DCP1B: variants seen among roughly 807,000 people sequenced by gnomAD.
DCP1B encodes the protein mRNA-decapping enzyme 1B.
In DCP1B, 47 loss-of-function variants were observed where a neutral mutation model predicts 60.5. That is an observed-to-expected ratio of 0.78 (90% CI 0.61 to 0.99). The LOEUF (loss-of-function observed/expected upper bound fraction) is 0.99. DCP1B is among the 50% of genes least tolerant of loss of function. The pLI is 0.00. For synonymous variants in DCP1B, 267 were observed against 280.3 expected, an observed-to-expected ratio of 0.95 and a Z score of 0.47; for missense variants, 725 against 756.8, an observed-to-expected ratio of 0.96 and a Z score of 0.49.
intron 3 of DCP1B, among the ~76,000 whole-genome samples, chr12:1,976,743 A>C (rs1451682935): frequency 1.3e-5 from 2 of 150,384 alleles, no homozygotes; most frequent in Non-Finnish European, 1.5e-5. Flanking sequence ...GCAAAATGTC[A>C]TGTATATATG....
intron 2 of DCP1B, among the ~76,000 whole-genome samples, chr12:1,994,353 T>A (rs559956769): frequency 6.6e-6 from 1 of 152,332 alleles, no homozygotes; most frequent in Non-Finnish European, 1.5e-5. Context: ...TGTTTATGTC[T>A]TAGTTTTATT....
At chr12:1,996,633 A>C (rs754489010) in intron 2 of DCP1B, among the ~76,000 whole-genome samples, 3,744 of 115,834 alleles carry the variant, frequency 0.032, 217 homozygotes, top group Middle Eastern at 0.062. Flanking sequence ...AAAAAAAAAA[A>C]AAAAAAAAAA....
At position 1,952,822 on chromosome 12, in the gene DCP1B, G is replaced by C. The variant is rs753576836; in HGVS notation, c.1118C>G (p.Thr373Arg). The change falls in exon 7 of 9, where the codon ACA (threonine) becomes AGA (arginine). Residue 373 changes from threonine to arginine, a missense_variant. By Grantham distance (71) the Thr-to-Arg change is moderately conservative. Transcript: ENST00000280665. ...GGCAGCTGAGCTGGCAGGTGCTGGT[G>C]TACTAGGGTCACACTTGTTTGCTGC... ...PGAANKCDPS[T>R]PAPASSAALN... is the part of the protein sequence containing the mutation. 3.1e-6 allele frequency: 5 copies of C among 1,614,212 alleles called. No homozygotes were observed. In the South Asian group the frequency reaches 5.5e-5, roughly 18 times the overall value.
rs554624551 is a variant in DCP1B, at chr12:1,994,817, CA to C, written c.192-1427del. On this transcript the variant is annotated intron_variant, in intron 2 of 8. Transcript: ENST00000280665. ...CATCTCATAATTTAGAAAATAGGCC[CA>C]GGGGATAAATGTGCCAACTGCTCTA... Among the ~76,000 whole-genome samples, 254 of 152,292 alleles carry C rather than the reference CA, an allele frequency of 1.7e-3. 1 individual carries two copies. The highest frequency in any genetic ancestry group is 5.9e-3 in the African/African-American group (247 of 41,556).
chr12:2,001,476 A>C (rs541637566), intron 1 of DCP1B, among the ~76,000 whole-genome samples: 1 of 152,356 alleles, frequency 6.6e-6, no homozygotes, highest in African/African-American at 2.4e-5. Context: ...GGAATATAAA[A>C]TAGTGCTGTT....
intron 5 of DCP1B, among the ~76,000 whole-genome samples, chr12:1,961,691 A>G (rs1400368220): frequency 6.6e-6 from 1 of 152,224 alleles, no homozygotes; most frequent in Non-Finnish European, 1.5e-5. Flanking sequence ...ACATGGAAGA[A>G]TAATTAATTT....
chr12:1,984,386 T>G (rs1003114747), intron 3 of DCP1B, among the ~76,000 whole-genome samples: 1 of 152,118 alleles, frequency 6.6e-6, no homozygotes, highest in African/African-American at 2.4e-5. Flanking sequence ...ATCTCTATAT[T>G]TCTTTTTAGT....
At chr12:1,993,426 G>C (rs1450261768) in intron 2 of DCP1B, 35 bp from the exon 3 acceptor site, 2 of 1,599,176 alleles carry the variant, frequency 1.3e-6, no homozygotes, top group African/African-American at 2.7e-5. Flanking sequence ...GAAATCAATA[G>C]ACAAATTGCT....
In DCP1B at chr12:1,971,262, T is replaced by C. The variant is rs1051550815; in HGVS notation, c.320-3352A>G. 6 of 882,632 alleles carry C rather than the reference T, an allele frequency of 6.8e-6. No individual in the cohort carries two copies. The African/African-American group carries it at 8.7e-5, about 13-fold the overall frequency. The allele number at this position is 882,632 out of a possible 1,614,324, so 54.7% of individuals were successfully genotyped here. Reference sequence around the variant, plus strand: ...AACATGTTGAAATTTACTCTAAATATCCTAATGATACCTAGAATGTGACTT... The same window carrying C: ...AACATGTTGAAATTTACTCTAAATACCCTAATGATACCTAGAATGTGACTT... On this transcript the variant is annotated intron_variant, in intron 3 of 8. Coordinates refer to ENST00000280665, the MANE Select transcript of DCP1B (RefSeq NM_152640.5). This position sits in a 1 kb window ranked among gnomAD's most constrained non-coding sequence, Gnocchi z 4.2.
chr12:1,986,369 A>G (rs111801225), intron 3 of DCP1B, among the ~76,000 whole-genome samples: 4,164 of 152,208 alleles, frequency 0.027, 97 homozygotes, highest in Middle Eastern at 0.051. Context: ...CAGTCTTCCG[A>G]CTACAAAGTC....
At chr12:1,972,062 A>G (rs1243277048) in intron 3 of DCP1B, among the ~76,000 whole-genome samples, 2 of 152,234 alleles carry the variant, frequency 1.3e-5, no homozygotes, top group Non-Finnish European at 2.9e-5. Flanking sequence ...AACTTCACTA[A>G]TTCCTCTCAA....
intron 3 of DCP1B, among the ~76,000 whole-genome samples, chr12:1,986,310 C>A (rs574533247): frequency 6.6e-6 from 1 of 152,288 alleles, no homozygotes; most frequent in East Asian, 1.9e-4. Context: ...CATCCAGCTC[C>A]CTCCTCTAGA....
At chr12:1,994,008 C>T (rs957880809) in intron 2 of DCP1B, among the ~76,000 whole-genome samples, 1 of 152,084 alleles carries the variant, frequency 6.6e-6, no homozygotes, top group Non-Finnish European at 1.5e-5. Flanking sequence ...AACAGCTTCA[C>T]AGATAAACCA....
chr12:1,972,813 G>C (rs1592847769), intron 3 of DCP1B, among the ~76,000 whole-genome samples: 1 of 152,092 alleles, frequency 6.6e-6, no homozygotes, highest in Non-Finnish European at 1.5e-5. Flanking sequence ...ATGAAGGGAG[G>C]GGGGAGATCA....
At chr12:1,958,524 C>T (rs1303627421) in intron 5 of DCP1B, among the ~76,000 whole-genome samples, 6 of 140,868 alleles carry the variant, frequency 4.3e-5, no homozygotes, top group Non-Finnish European at 9.2e-5. Flanking sequence ...TCCCTAACGT[C>T]GCTCTGCGCA....
At chr12:1,970,152 T>A (rs2031848283) in intron 3 of DCP1B, among the ~76,000 whole-genome samples, 1 of 152,182 alleles carries the variant, frequency 6.6e-6, no homozygotes, top group Non-Finnish European at 1.5e-5. Flanking sequence ...AGAAAAGCAG[T>A]TTGACAGTGT....
At chr12:1,965,488 T>G in intron 5 of DCP1B, 70 bp downstream of exon 5, 2 of 1,488,290 alleles carry the variant, frequency 1.3e-6, no homozygotes, top group Non-Finnish European at 1.8e-6. Flanking sequence ...GTACCTAGTC[T>G]TGCTAAACAA....
In DCP1B at chr12:1,952,857, A is replaced by C; in HGVS notation, c.1083T>G (p.Ser361Arg). 13 of 1,614,124 alleles carry C rather than the reference A, an allele frequency of 8.1e-6. No individual in the cohort carries two copies. Among genetic ancestry groups the C allele is most frequent in the Non-Finnish European group, 1.1e-5 (13 of 1,180,024 alleles). ...RTQNLFEKLQSTPGAANKCDP... is the reference protein window; with the variant it reads ...RTQNLFEKLQRTPGAANKCDP... The stretch of plus-strand genomic sequence containing the variant: ...CACACTTGTTTGCTGCCCCTGGGGT[A>C]CTCTGAAGTTTCTCGAACAGGTTCT... The change falls in exon 7 of 9, where the codon AGT becomes AGG. Residue 361 changes from serine (S) to arginine (R), a missense_variant. Coordinates refer to ENST00000280665, the MANE Select transcript of DCP1B (RefSeq NM_152640.5).
At position 1,987,091 on chromosome 12, in the gene DCP1B, C is replaced by A. The variant is rs568615806; in HGVS notation, c.319+6173G>T. 2.0e-5 allele frequency among the ~76,000 whole-genome samples: 3 copies of A among 152,200 alleles called. No homozygotes were observed. In the South Asian group the frequency reaches 6.2e-4, roughly 32 times the overall value. On this transcript the variant is annotated intron_variant, in intron 3 of 8. Coordinates refer to ENST00000280665, the MANE Select transcript of DCP1B (RefSeq NM_152640.5). ...GGCTTCAAAAGGTTTACTATTACCA[C>A]GCATGCTTAAAAAAAAGAACTTACA...
Sources: allele counts gnomAD v4.1 joint callset (sites outside exome capture counted in the v4.1 genomes callset), GRCh38; gene constraint gnomAD v4.1.1; non-coding constraint Gnocchi (gnomAD v3.1); transcripts MANE v1.5; gene names NCBI Gene and HGNC (gene_info 2026-07-23, HGNC 2026-07-21).